DSCAML1: variants seen among roughly 807,000 people sequenced by gnomAD.
DSCAML1 encodes DS cell adhesion molecule like 1.
DSCAML1 carries 38 observed loss-of-function variants against 200.5 expected under a neutral mutation model. The ratio of observed to expected loss-of-function variants is 0.19; its 90% confidence interval spans 0.15 to 0.25. The LOEUF is 0.25. Among genes scored for constraint, DSCAML1 ranks in the 10% least tolerant of loss-of-function variants. The pLI, the probability that DSCAML1 is intolerant of heterozygous loss-of-function variation, is 1.00. For synonymous variants in DSCAML1, 1,215 were observed against 1,165.0 expected, an observed-to-expected ratio of 1.04 and a Z score of -0.87; for missense variants, 2,223 against 2,858.8, an observed-to-expected ratio of 0.78 and a Z score of 5.07.
intron 3 of DSCAML1, among the ~76,000 whole-genome samples, chr11:117,613,832 C>T (rs898342523): frequency 6.6e-6 from 1 of 152,160 alleles, no homozygotes; most frequent in Non-Finnish European, 1.5e-5. Flanking sequence ...GGTGTGGGAG[C>T]AGACCCCTGC....
intron 3 of DSCAML1, among the ~76,000 whole-genome samples, chr11:117,643,771 G>A (rs996306490): frequency 6.6e-6 from 1 of 152,072 alleles, no homozygotes; most frequent in Non-Finnish European, 1.5e-5. Flanking sequence ...CACTTATACC[G>A]CCGTCATCAC....
chr11:117,720,458 C>T (rs1352134670), intron 3 of DSCAML1, among the ~76,000 whole-genome samples: 2 of 151,922 alleles, frequency 1.3e-5, no homozygotes, highest in African/African-American at 4.8e-5. Flanking sequence ...GAGGCGAGCC[C>T]CAGCCTCCCG....
At position 117,780,189 on chromosome 11, in the gene DSCAML1, AAGAAAGAAAG is replaced by A. The variant is rs2055208445; in HGVS notation, c.364+294_364+303del. Reference sequence around the variant, plus strand: ...AAAGAAAGAAAAAAAGAAAAAAAGAAAGAAAGAAAGAGAAAGAAAGAGAGAGAGAGAAAGA... The same window carrying A: ...AAAGAAAGAAAAAAAGAAAAAAAGAAAGAAAGAAAGAGAGAGAGAGAAAGA... On this transcript the variant is annotated intron_variant, in intron 2 of 32. Transcript: ENST00000651296. The surrounding 1 kb of genome is among the most constrained non-coding windows in gnomAD (Gnocchi z 4.8). Among the ~76,000 whole-genome samples the A allele has an allele frequency of 2.1e-5, 2 of 96,270 alleles. No homozygotes were observed. The highest frequency in any genetic ancestry group is 4.1e-4 in the South Asian group (1 of 2,416). The allele number at this position is 96,270 out of a possible 152,430, so 63.2% of individuals were successfully genotyped here.
intron 20 of DSCAML1, among the ~76,000 whole-genome samples, chr11:117,450,131 T>C (rs2048257656): frequency 1.3e-5 from 2 of 152,290 alleles, no homozygotes; most frequent in African/African-American, 4.8e-5. Flanking sequence ...TGGAGGCGCT[T>C]ATGCAGGGCA....
chr11:117,704,014 C>T (rs575987555), intron 3 of DSCAML1, among the ~76,000 whole-genome samples: 115 of 152,072 alleles, frequency 7.6e-4, no homozygotes, highest in Middle Eastern at 3.4e-3. Flanking sequence ...AGCAACTTGT[C>T]TAGGATCACC....
In DSCAML1 at chr11:117,437,125, C is replaced by T. The variant is rs543093765; in HGVS notation, c.4717G>A (p.Gly1573Ser). ...CCCTTCCACCCTTGCGACTCACTGCCATCGTAGTCCAGGGTGGCGAACTGG... is the reference window on the plus strand; with the variant it reads ...CCCTTCCACCCTTGCGACTCACTGCTATCGTAGTCCAGGGTGGCGAACTGG... ...TAQFATLDYD[G>S]STIPPIKSAQ... is the part of the protein sequence containing the mutation. Residue 1573 changes from glycine (G) to serine (S), a missense_variant, in exon 26 of 33, where the codon GGC becomes AGC. Around this residue, in one of 7 missense-constraint regions of DSCAML1, gnomAD observed 614 missense variants for 739.1 expected, o/e 0.83. Transcript: ENST00000651296. This position sits in a 1 kb window ranked among gnomAD's most constrained non-coding sequence, Gnocchi z 5.3. The T allele has an allele frequency of 1.2e-6, 2 of 1,611,420 alleles. No individual in the cohort carries two copies. The highest frequency in any genetic ancestry group is 2.2e-5 in the East Asian group (1 of 44,828).
chr11:117,802,535 G>A (rs188955146), intron 1 of DSCAML1, among the ~76,000 whole-genome samples: 55 of 152,276 alleles, frequency 3.6e-4, no homozygotes, highest in East Asian at 3.3e-3. Flanking sequence ...ACAGCCTCAC[G>A]TGCCATGCCT....
At chr11:117,632,752 T>C (rs138233671) in intron 3 of DSCAML1, among the ~76,000 whole-genome samples, 136 of 152,382 alleles carry the variant, frequency 8.9e-4, no homozygotes, top group African/African-American at 3.2e-3. Context: ...GGAAGGGCTT[T>C]GATTTCTCCG....
rs1456921451 is a variant in DSCAML1 at position 117,794,009 on chromosome 11, T to G, written c.46+3025A>C. 2.7e-5 allele frequency among the ~76,000 whole-genome samples: 4 copies of G among 146,064 alleles called. No homozygotes were observed. The East Asian group carries it at 6.1e-4, about 22-fold the overall frequency. On this transcript the variant is annotated intron_variant, in intron 1 of 32. Coordinates refer to ENST00000651296, the MANE Select transcript of DSCAML1 (RefSeq NM_020693.4). ...CTAAGTTGCGTTTGCCATTTCAAGATTTTAAAAACACATTTCCCCATTGCC... is the reference window on the plus strand; with the variant it reads ...CTAAGTTGCGTTTGCCATTTCAAGAGTTTAAAAACACATTTCCCCATTGCC...
rs1022515833 is a variant in DSCAML1 at position 117,518,825 on chromosome 11, A to G, written c.1214-63T>C. On this transcript the variant is annotated intron_variant, in intron 6 of 32. Coordinates refer to ENST00000651296, the MANE Select transcript of DSCAML1 (RefSeq NM_020693.4). The surrounding 1 kb of genome is among the most constrained non-coding windows in gnomAD (Gnocchi z 6.3). ...CCATGGAGAGACGGTCCCCCCAGCC[A>G]CCCCACCTCAGCAGGGGAGGAGGCA... 6.6e-7 allele frequency: 1 copy of G among 1,517,182 alleles called. No homozygotes were observed. The highest frequency in any genetic ancestry group is 8.8e-7 in the Non-Finnish European group (1 of 1,139,370). 94.0% of individuals were successfully genotyped at this position (1,517,182 alleles called of 1,614,324 possible). A position where few individuals can be genotyped will look rare whatever the true frequency, so the allele number is the denominator to read the frequency against.
chr11:117,644,681 C>T (rs1002438916), intron 3 of DSCAML1, among the ~76,000 whole-genome samples: 6 of 152,338 alleles, frequency 3.9e-5, no homozygotes, highest in Non-Finnish European at 7.3e-5. Flanking sequence ...TCCGCTCAGC[C>T]GTGCAGCCTC....
intron 3 of DSCAML1, among the ~76,000 whole-genome samples, chr11:117,593,554 G>C (rs1463922699): frequency 2.6e-5 from 4 of 152,240 alleles, no homozygotes; most frequent in Admixed American, 1.3e-4. Context: ...CAGAGGCCGG[G>C]ACAGCACTGC....
chr11:117,522,607 C>T (rs558367725), intron 5 of DSCAML1, among the ~76,000 whole-genome samples: 6 of 152,194 alleles, frequency 3.9e-5, no homozygotes, highest in African/African-American at 9.7e-5. Context: ...CATAAATGAC[C>T]GCATGCTTGC....
intron 3 of DSCAML1, among the ~76,000 whole-genome samples, chr11:117,635,567 A>C (rs993841020): frequency 2.0e-5 from 3 of 151,936 alleles, no homozygotes; most frequent in African/African-American, 7.3e-5. Flanking sequence ...GCTCAGAATA[A>C]TATTCGTTGA....
chr11:117,439,973 AC>A (rs1378519381), intron 21 of DSCAML1, 37 bp from the exon 22 acceptor site: 1 of 1,549,532 alleles, frequency 6.5e-7, no homozygotes, highest in African/African-American at 1.4e-5. Flanking sequence ...CTCCACTTCT[AC>A]CCCTGCACAA....
intron 16 of DSCAML1, among the ~76,000 whole-genome samples, chr11:117,467,984 C>T (rs2048616919): frequency 6.6e-6 from 1 of 152,150 alleles, no homozygotes; most frequent in Non-Finnish European, 1.5e-5. Context: ...CATATACTGA[C>T]AGGTCTCAGA....
At chr11:117,651,609 G>A (rs2052633314) in intron 3 of DSCAML1, among the ~76,000 whole-genome samples, 1 of 151,168 alleles carries the variant, frequency 6.6e-6, no homozygotes, top group Admixed American at 6.6e-5. Flanking sequence ...CTACTCGGGA[G>A]GCTGAGGCAG....
intron 3 of DSCAML1, among the ~76,000 whole-genome samples, chr11:117,754,819 C>G (rs1245776675): frequency 6.6e-6 from 1 of 152,108 alleles, no homozygotes; most frequent in Non-Finnish European, 1.5e-5. Flanking sequence ...ATCCCCTCAC[C>G]TACTTACGGG....
chr11:117,716,107 G>A (rs947157833), intron 3 of DSCAML1, among the ~76,000 whole-genome samples: 7 of 152,210 alleles, frequency 4.6e-5, no homozygotes, highest in Non-Finnish European at 1.0e-4. Context: ...CTCTTCTCAG[G>A]AAAATGCAGT....
Sources: gnomAD v4.1 joint callset for allele counts (sites outside exome capture counted in the v4.1 genomes callset) on GRCh38, gnomAD v4.1.1 for gene constraint, gnomAD v4.1.1 regional missense constraint, Gnocchi (gnomAD v3.1) non-coding constraint, MANE v1.5 for transcripts, NCBI Gene and HGNC (gene_info 2026-07-23, HGNC 2026-07-21) for gene names.